The following DPF3 variants were observed in gnomAD, a reference collection of about 807,000 sequenced individuals.
The protein encoded by DPF3 is zinc finger protein DPF3.
In DPF3, 18 loss-of-function variants were observed where a neutral mutation model predicts 56.8. The observed-to-expected ratio is 0.32, with a 90% CI of 0.22 to 0.47. DPF3 has a LOEUF of 0.47. Among genes scored for constraint, DPF3 ranks in the 20% least tolerant of loss-of-function variants. DPF3 has a pLI of 1.00. For missense variants in DPF3, 403 were observed against 488.8 expected (o/e 0.82, Z 1.65); for synonymous variants, 188 against 180.2 (o/e 1.04, Z -0.35).
intron 1 of DPF3, among the ~76,000 whole-genome samples, chr14:72,825,787 T>C (rs911618193): frequency 6.9e-6 from 1 of 144,648 alleles, no homozygotes; most frequent in African/African-American, 2.5e-5. Context: ...TCTATCTACA[T>C]ACACAGTACC....
chr14:72,709,920 GA>G (rs898520265), intron 6 of DPF3, among the ~76,000 whole-genome samples: 13 of 152,144 alleles, frequency 8.5e-5, no homozygotes. Flanking sequence ...ACACTTCGAG[GA>G]AAAAAGAAAA....
chr14:72,674,866 G>A (rs1308145316), intron 7 of DPF3, among the ~76,000 whole-genome samples: 1 of 152,266 alleles, frequency 6.6e-6, no homozygotes, highest in South Asian at 2.1e-4. Context: ...GCACTGATGG[G>A]AGGTCATTTC....
At chr14:72,805,326 C>G (rs748981821) in intron 1 of DPF3, among the ~76,000 whole-genome samples, 5 of 151,458 alleles carry the variant, frequency 3.3e-5, no homozygotes, top group Non-Finnish European at 7.4e-5. Flanking sequence ...CAAAATTAGC[C>G]GGGCATGGTG....
chr14:72,670,654 T>TCC (rs1886631701), intron 8 of DPF3: 1 of 990,476 alleles, frequency 1.0e-6, no homozygotes, highest in African/African-American at 1.8e-5. Flanking sequence ...TCTCTCTCTC[T>TCC]CTCTCGCAAA....
At chr14:72,731,207 G>T (rs1034532828) in intron 4 of DPF3, among the ~76,000 whole-genome samples, 4 of 152,100 alleles carry the variant, frequency 2.6e-5, no homozygotes, top group African/African-American at 9.7e-5. Flanking sequence ...GAAACGGTAG[G>T]TGTGCACCCT....
chr14:72,684,399 G>A (rs1432298635), intron 7 of DPF3, among the ~76,000 whole-genome samples: 1 of 152,146 alleles, frequency 6.6e-6, no homozygotes, highest in Non-Finnish European at 1.5e-5. Flanking sequence ...GAAGCCAGGG[G>A]TGGCCAGAAG....
chr14:72,725,291 G>C (rs4903051), intron 4 of DPF3, among the ~76,000 whole-genome samples: 146,298 of 152,184 alleles, frequency 0.96, 70,342 homozygotes, highest in East Asian at 1. Flanking sequence ...ACAGTGGTAG[G>C]CAAGTTCAAA....
intron 6 of DPF3, among the ~76,000 whole-genome samples, chr14:72,703,735 G>A (rs1478040334): frequency 6.6e-6 from 1 of 152,148 alleles, no homozygotes; most frequent in African/African-American, 2.4e-5. Context: ...GGAGGTGTGA[G>A]AACTGCAGGA....
At chr14:72,745,608 C>CATTGCAATGT (rs1429981140) in intron 3 of DPF3, among the ~76,000 whole-genome samples, 1 of 152,100 alleles carries the variant, frequency 6.6e-6, no homozygotes, top group Non-Finnish European at 1.5e-5. Flanking sequence ...ATACCAATTC[C>CATTGCAATGT]GTTGCAATGT....
intron 8 of DPF3, chr14:72,670,285 C>T: frequency 1.0e-6 from 1 of 985,924 alleles, no homozygotes; most frequent in Non-Finnish European, 1.2e-6. Flanking sequence ...ATATTCCATC[C>T]CTGCATTTGG....
chr14:72,622,039 G>T (rs1454022211), intron 9 of DPF3, among the ~76,000 whole-genome samples: 1 of 152,230 alleles, frequency 6.6e-6, no homozygotes, highest in Non-Finnish European at 1.5e-5. Flanking sequence ...GCAAGTGAAG[G>T]TCCTAGGAGA....
chr14:72,771,893 C>G lies in DPF3; in HGVS notation c.33G>C (p.Ala11=). 2.5e-6 allele frequency: 4 copies of G among 1,579,224 alleles called. No individual in the cohort carries two copies. The highest frequency in any genetic ancestry group is 2.6e-6 in the Non-Finnish European group (3 of 1,163,154). Residue 11 remains alanine (A), a splice_region_variant and synonymous_variant, in exon 2 of 11, where the codon GCG becomes GCC. Transcript: ENST00000556509. ...CTTCCTTGTAGAACTGGTCCCCGAG[C>G]CTGCCAGAGTCAGAGAGTGAAGGGG... MATVIHNPLK[A]LGDQFYKEAI...
intron 1 of DPF3, among the ~76,000 whole-genome samples, chr14:72,888,387 G>A (rs1002036983): frequency 6.6e-6 from 1 of 152,138 alleles, no homozygotes; most frequent in Non-Finnish European, 1.5e-5. Flanking sequence ...ACAGTTTTAC[G>A]ATGCTAGCTC....
rs375135841 is a variant in DPF3, at chr14:72,645,776, C to A, written c.872-16040G>T. ...AGAAAAGTATTTGCCACATCCCACA[C>A]CCTCAACGCTCCTACACCCCCCACC... is the stretch of plus-strand genomic sequence containing the variant. On this transcript the variant is annotated intron_variant, in intron 8 of 10. Transcript: ENST00000556509. Among the ~76,000 whole-genome samples the A allele has an allele frequency of 3.9e-5, 6 of 152,188 alleles. No homozygotes were observed. In the East Asian group the frequency reaches 1.2e-3, roughly 30 times the overall value.
Position 72,774,761 on chromosome 14 carries a change from T to C in DPF3, c.33-2868A>G, listed in dbSNP as rs1040714070. Among the ~76,000 whole-genome samples, 6 of 152,250 alleles carry C rather than the reference T, an allele frequency of 3.9e-5. No individual in the cohort carries two copies. The South Asian group carries it at 8.3e-4, about 21-fold the overall frequency. On this transcript the variant is annotated intron_variant, in intron 1 of 10. Transcript: ENST00000556509. ...AAACCAAACTGTAATCAAATTGTAA[T>C]AGTCACGCAGCTGGAAATGAATTGG...
intron 8 of DPF3, among the ~76,000 whole-genome samples, chr14:72,630,527 G>T (rs945265312): frequency 6.6e-6 from 1 of 152,192 alleles, no homozygotes; most frequent in African/African-American, 2.4e-5. Context: ...CCATGCCCAA[G>T]ACTTGGCCTG....
chr14:72,885,590 G>A (rs948443851), intron 1 of DPF3, among the ~76,000 whole-genome samples: 6 of 151,500 alleles, frequency 4.0e-5, no homozygotes, highest in African/African-American at 9.7e-5. Flanking sequence ...TTTTTGTAGC[G>A]ACAGGGTCTC....
chr14:72,746,222 C>T (rs1451496194), intron 3 of DPF3, among the ~76,000 whole-genome samples: 1 of 152,252 alleles, frequency 6.6e-6, no homozygotes, highest in Non-Finnish European at 1.5e-5. Context: ...CTTGCATCAC[C>T]TCTGGGAAGA....
intron 6 of DPF3, among the ~76,000 whole-genome samples, chr14:72,705,460 C>G (rs978901297): frequency 6.6e-6 from 1 of 152,076 alleles, no homozygotes; most frequent in Non-Finnish European, 1.5e-5. Context: ...ATAAAGGGCA[C>G]AATAAGTGTA....
Sources: allele counts gnomAD v4.1 joint callset (sites outside exome capture counted in the v4.1 genomes callset), GRCh38; gene constraint gnomAD v4.1.1; transcripts MANE v1.5; gene names NCBI Gene and HGNC (gene_info 2026-07-23, HGNC 2026-07-21).